WWP1: variants seen among roughly 807,000 people sequenced by gnomAD.
WWP1 encodes the protein NEDD4-like E3 ubiquitin-protein ligase WWP1.
Under a neutral mutation model 130.6 loss-of-function variants are expected in WWP1, and 49 were observed. The observed-to-expected ratio is 0.38, with a 90% CI of 0.30 to 0.48. The LOEUF (loss-of-function observed/expected upper bound fraction) is 0.48, where lower values mean the gene tolerates loss of function less well. Ranked by LOEUF, WWP1 falls within the 20% of genes least tolerant of loss-of-function variation. The pLI is 0.99. For synonymous variants in WWP1, 332 were observed against 367.8 expected (o/e 0.90, Z 1.11); for missense variants, 809 against 1,100.6 (o/e 0.74, Z 3.75).
chr8:86,442,071 G>A (rs966657678), intron 17 of WWP1, among the ~76,000 whole-genome samples: 26 of 152,032 alleles, frequency 1.7e-4, no homozygotes, highest in Non-Finnish European at 3.7e-4. Flanking sequence ...AATAGCAGCA[G>A]TGCTGTGTAT....
In WWP1 at chr8:86,466,788, G is replaced by T; in HGVS notation, c.2670-6G>T. On this transcript the variant is annotated splice_region_variant and splice_polypyrimidine_tract_variant and intron_variant, in intron 24 of 24. Coordinates refer to ENST00000517970, the MANE Select transcript of WWP1 (RefSeq NM_007013.4). ...AACATCTGATTTTGTTTTTGTTTCT[G>T]TTCAGTTTTAATCGCTTGGATCTAC... 6.5e-7 allele frequency: 1 copy of T among 1,544,354 alleles called. No individual in the cohort carries two copies. Among genetic ancestry groups the T allele is most frequent in the South Asian group, 1.2e-5 (1 of 80,538 alleles).
At chr8:86,418,130 T>G (rs1401892572) in intron 9 of WWP1, among the ~76,000 whole-genome samples, 1 of 152,192 alleles carries the variant, frequency 6.6e-6, no homozygotes, top group African/African-American at 2.4e-5. Context: ...TAGTCATATT[T>G]CCACATCAGT....
At chr8:86,413,234 CTATAT>C (rs1808690066) in intron 9 of WWP1, among the ~76,000 whole-genome samples, 1 of 152,120 alleles carries the variant, frequency 6.6e-6, no homozygotes, top group African/African-American at 2.4e-5. Context: ...GTTTCAGACC[CTATAT>C]TAGCTTTCCT....
intron 1 of WWP1, among the ~76,000 whole-genome samples, chr8:86,366,499 T>G (rs1436639830): frequency 6.6e-6 from 1 of 152,210 alleles, no homozygotes; most frequent in East Asian, 1.9e-4. Context: ...CTCTTCCCTC[T>G]TCCCTTCTCC....
At chr8:86,392,536 G>A (rs555629001) in intron 5 of WWP1, among the ~76,000 whole-genome samples, 1 of 152,156 alleles carries the variant, frequency 6.6e-6, no homozygotes, top group African/African-American at 2.4e-5. Flanking sequence ...AGTTCAATTC[G>A]AAGTAAATTA....
At chr8:86,463,054 G>T (rs927696938) in intron 24 of WWP1, among the ~76,000 whole-genome samples, 4 of 152,104 alleles carry the variant, frequency 2.6e-5, no homozygotes, top group African/African-American at 9.7e-5. Context: ...TTGAAGGAAA[G>T]CTTTTGGGCA....
In WWP1 at chr8:86,348,410, G is replaced by A. The variant is rs1210549873; in HGVS notation, c.-115+5480G>A. ...ATTTTGTATTTTTAGTAGAGACGGG[G>A]TTTCTCCATGTTGGTCAGGCTGGTC... On this transcript the variant is annotated intron_variant, in intron 1 of 24. Transcript: ENST00000517970. Among the ~76,000 whole-genome samples, 3 of 151,978 alleles carry A rather than the reference G, an allele frequency of 2.0e-5. No homozygotes were observed. The East Asian group carries it at 5.8e-4, about 29-fold the overall frequency.
intron 5 of WWP1, among the ~76,000 whole-genome samples, chr8:86,395,206 G>A (rs1164602162): frequency 6.6e-6 from 1 of 152,064 alleles, no homozygotes; most frequent in Non-Finnish European, 1.5e-5. Context: ...ATAAACATAA[G>A]GGAACAAGCC....
chr8:86,392,071 G>C (rs1807380109), intron 5 of WWP1, among the ~76,000 whole-genome samples: 1 of 152,176 alleles, frequency 6.6e-6, no homozygotes, highest in Non-Finnish European at 1.5e-5. Context: ...GGGGAGTTAG[G>C]GTTATCCCTA....
chr8:86,359,699 C>T (rs1465264026), intron 1 of WWP1, among the ~76,000 whole-genome samples: 1 of 152,032 alleles, frequency 6.6e-6, no homozygotes, highest in African/African-American at 2.4e-5. Context: ...TAGTGATCAT[C>T]ATCAGTGAAT....
Position 86,342,885 on chromosome 8 carries a change from G to A in WWP1, c.-160G>A. ...GGCGCCCGCCGCAGGAGGAGGTGCCGCTGCCGTGGCCGCCCGGCTGCCGGG... is the reference window on the plus strand; with the variant it reads ...GGCGCCCGCCGCAGGAGGAGGTGCCACTGCCGTGGCCGCCCGGCTGCCGGG... On this transcript the variant is annotated 5_prime_UTR_variant, in exon 1 of 25. Coordinates refer to ENST00000517970, the MANE Select transcript of WWP1 (RefSeq NM_007013.4). The A allele has an allele frequency of 2.8e-6, 1 of 362,356 alleles. No individual in the cohort carries two copies. The allele number at this position is 362,356 out of a possible 1,614,324, so 22.4% of individuals were successfully genotyped here. A position where few individuals can be genotyped will look rare whatever the true frequency, so the allele number is the denominator to read the frequency against.
intron 17 of WWP1, among the ~76,000 whole-genome samples, chr8:86,441,233 G>C (rs1810575451): frequency 6.6e-6 from 1 of 152,166 alleles, no homozygotes; most frequent in Non-Finnish European, 1.5e-5. Flanking sequence ...CACAAGACCT[G>C]CTCCATCCTC....
At chr8:86,397,444 AT>A (rs201441962) in intron 5 of WWP1, among the ~76,000 whole-genome samples, 3 of 151,848 alleles carry the variant, frequency 2.0e-5, no homozygotes, top group Non-Finnish European at 2.9e-5. Flanking sequence ...TCAAATACTT[AT>A]TTTTTTTGTG....
chr8:86,398,606 A>C lies in WWP1; in HGVS notation c.507A>C (p.Glu169Asp), dbSNP rs1463702934. 5 of 1,612,684 alleles carry C rather than the reference A, an allele frequency of 3.1e-6. No individual in the cohort carries two copies. The highest frequency in any genetic ancestry group is 4.2e-6 in the Non-Finnish European group (5 of 1,179,778). Residue 169 changes from glutamate to aspartate, a missense_variant, in exon 7 of 25, where the codon GAA becomes GAC. Coordinates refer to ENST00000517970, the MANE Select transcript of WWP1 (RefSeq NM_007013.4). ...AGGAAAATGGTGATGCCTTACATGAAAATGGAGAGCCTTCAGCAAGGACAA... is the reference window on the plus strand; with the variant it reads ...AGGAAAATGGTGATGCCTTACATGACAATGGAGAGCCTTCAGCAAGGACAA... ...EIQENGDALH[E>D]NGEPSARTTA...
chr8:86,342,597 T>G lies in WWP1; in HGVS notation c.-448T>G, dbSNP rs896057786. 1.8e-5 allele frequency: 3 copies of G among 165,368 alleles called. No individual in the cohort carries two copies. Among genetic ancestry groups the G allele is most frequent in the African/African-American group, 7.3e-5 (3 of 41,194 alleles). 10.2% of individuals were successfully genotyped at this position (165,368 alleles called of 1,614,324 possible). A position where few individuals can be genotyped will look rare whatever the true frequency, so the allele number is the denominator to read the frequency against. ...TGGGCGGCCGCGGCGTAGCGCGCGGTGCCGGGGCCGGCGGGGAGGCGCGCG... is the reference window on the plus strand; with the variant it reads ...TGGGCGGCCGCGGCGTAGCGCGCGGGGCCGGGGCCGGCGGGGAGGCGCGCG... On this transcript the variant is annotated 5_prime_UTR_variant, in exon 1 of 25. Transcript: ENST00000517970.
At chr8:86,362,077 T>TATATACACACATATATATATACAC (rs1823668961) in intron 1 of WWP1, among the ~76,000 whole-genome samples, 1 of 109,494 alleles carries the variant, frequency 9.1e-6, no homozygotes, top group Non-Finnish European at 1.8e-5. Flanking sequence ...TATATACACA[T>TATATACACACATATATATATACAC]ATATACACAC....
chr8:86,426,117 C>G (rs550244738), intron 10 of WWP1, among the ~76,000 whole-genome samples: 1 of 152,272 alleles, frequency 6.6e-6, no homozygotes, highest in African/African-American at 2.4e-5. Context: ...GGCCTTGACC[C>G]TACAGTGTTA....
chr8:86,411,739 G>T lies in WWP1; in HGVS notation c.926G>T (p.Ser309Ile). Reference protein sequence around the residue: ...TSAELESEARSILEPDTSNSR... With the variant: ...TSAELESEARIILEPDTSNSR... ...GCAGAATTGGAATCTGAAGCTAGAA[G>T]TATATTAGAGCCTGACACCTCTAAT... is the stretch of plus-strand genomic sequence containing the variant. Residue 309 changes from serine (S) to isoleucine (I), a missense_variant, in exon 9 of 25, where the codon AGT becomes ATT. Ser to Ile is a moderately radical substitution (Grantham distance 142). Around this residue, in one of 3 missense-constraint regions of WWP1, gnomAD observed 97 missense variants for 80.4 expected, o/e 1.21. Transcript: ENST00000517970. 6.2e-7 allele frequency: 1 copy of T among 1,614,190 alleles called. No individual in the cohort carries two copies. The highest frequency in any genetic ancestry group is 8.5e-7 in the Non-Finnish European group (1 of 1,180,024).
At chr8:86,429,545 A>G (rs547579366) in intron 11 of WWP1, among the ~76,000 whole-genome samples, 19 of 152,200 alleles carry the variant, frequency 1.2e-4, no homozygotes, top group Non-Finnish European at 2.2e-4. Context: ...ATATATTTCT[A>G]GGTTATAAGA....
Sources: gnomAD v4.1 joint callset for allele counts (sites outside exome capture counted in the v4.1 genomes callset) on GRCh38, gnomAD v4.1.1 for gene constraint, gnomAD v4.1.1 regional missense constraint, MANE v1.5 for transcripts, NCBI Gene and HGNC (gene_info 2026-07-23, HGNC 2026-07-21) for gene names.